Variants in ADAMTSL3 observed in about 807,000 individuals in gnomAD.
ADAMTSL3 encodes the protein ADAMTS-like protein 3.
ADAMTSL3 carries 128 observed loss-of-function variants against 201.7 expected under a neutral mutation model. The observed-to-expected ratio is 0.63, with a 90% confidence interval of 0.55 to 0.73. The LOEUF (loss-of-function observed/expected upper bound fraction) is 0.73, where lower values mean the gene tolerates loss of function less well. ADAMTSL3 is among the 30% of genes least tolerant of loss of function. ADAMTSL3 has a pLI of 0.00. For missense variants in ADAMTSL3, 1,990 were observed against 2,119.6 expected, an observed-to-expected ratio of 0.94 and a Z score of 1.20; for synonymous variants, 738 against 748.4, an observed-to-expected ratio of 0.99 and a Z score of 0.23.
rs188928627 is a variant in ADAMTSL3, at chr15:83,906,145, A to G, written c.1700+6414A>G. ...ATTATTTGAATTACTGTGTCTTTTA[A>G]ATACTTTTTTCTATTAAACTGTGCA... On this transcript the variant is annotated intron_variant, in intron 15 of 29. Transcript: ENST00000286744. Among the ~76,000 whole-genome samples the G allele has an allele frequency of 7.2e-5, 11 of 152,226 alleles. No homozygotes were observed. In the East Asian group the frequency reaches 2.1e-3, roughly 29 times the overall value.
chr15:83,704,357 C>T, intron 2 of ADAMTSL3, 32 bp from the exon 3 acceptor site: 2 of 1,614,024 alleles, frequency 1.2e-6, no homozygotes, highest in Non-Finnish European at 1.7e-6. Flanking sequence ...TTACTGGAGC[C>T]TTATTTGTGA....
chr15:83,991,350 G>A, intron 23 of ADAMTSL3, 136 bp downstream of exon 23: 2 of 1,303,754 alleles, frequency 1.5e-6, no homozygotes, highest in East Asian at 4.7e-5. Flanking sequence ...AGATTTTCCA[G>A]CACACTGACA....
At chr15:83,756,959 G>C (rs986794676) in intron 3 of ADAMTSL3, among the ~76,000 whole-genome samples, 3 of 152,226 alleles carry the variant, frequency 2.0e-5, no homozygotes, top group Non-Finnish European at 4.4e-5. Flanking sequence ...GCTGATGCAA[G>C]AGGTGGGCTC....
intron 11 of ADAMTSL3, 109 bp downstream of exon 11, chr15:83,890,356 T>A: frequency 7.0e-7 from 1 of 1,418,464 alleles, no homozygotes; most frequent in Non-Finnish European, 9.5e-7. Flanking sequence ...TGGCTTTGTC[T>A]ACTGGCGGCA....
chr15:83,681,013 A>G (rs1274425436), intron 2 of ADAMTSL3, among the ~76,000 whole-genome samples: 1 of 152,190 alleles, frequency 6.6e-6, no homozygotes, highest in Non-Finnish European at 1.5e-5. Context: ...GTAGTTTTCA[A>G]GTTGGTTTTA....
At chr15:83,986,330 A>G (rs1411322704) in intron 21 of ADAMTSL3, among the ~76,000 whole-genome samples, 1 of 152,142 alleles carries the variant, frequency 6.6e-6, no homozygotes, top group Non-Finnish European at 1.5e-5. Context: ...TTAAATAAAT[A>G]TTTATTTGAG....
chr15:83,692,798 A>G (rs1221955720), intron 2 of ADAMTSL3, among the ~76,000 whole-genome samples: 5 of 152,140 alleles, frequency 3.3e-5, no homozygotes, highest in Admixed American at 1.3e-4. Flanking sequence ...AAAAGCTTAG[A>G]AAAACAAACC....
chr15:83,751,140 C>A (rs919914235), intron 3 of ADAMTSL3, among the ~76,000 whole-genome samples: 1 of 152,090 alleles, frequency 6.6e-6, no homozygotes, highest in African/African-American at 2.4e-5. Flanking sequence ...TAATTACAGA[C>A]TGAAGTCAGG....
chr15:83,855,294 A>G (rs1157593291), intron 7 of ADAMTSL3, among the ~76,000 whole-genome samples: 1 of 152,186 alleles, frequency 6.6e-6, no homozygotes, highest in Non-Finnish European at 1.5e-5. Context: ...ACCTGTGGAC[A>G]TCTCATTCCC....
intron 25 of ADAMTSL3, among the ~76,000 whole-genome samples, chr15:84,017,074 A>G (rs773079367): frequency 6.6e-6 from 1 of 152,174 alleles, no homozygotes; most frequent in Non-Finnish European, 1.5e-5. Flanking sequence ...GCAGAAGGAC[A>G]CAAACTCTTT....
chr15:83,759,800 A>T (rs1022823091), intron 3 of ADAMTSL3, among the ~76,000 whole-genome samples: 5 of 152,152 alleles, frequency 3.3e-5, no homozygotes, highest in Non-Finnish European at 7.3e-5. Context: ...CCTACATCTA[A>T]ATTTTGAAAT....
intron 19 of ADAMTSL3, among the ~76,000 whole-genome samples, chr15:83,953,510 G>T (rs946691409): frequency 3.3e-5 from 5 of 151,982 alleles, no homozygotes; most frequent in Non-Finnish European, 2.9e-5. Context: ...GAAAGTTGTT[G>T]TATTTATTAT....
intron 17 of ADAMTSL3, among the ~76,000 whole-genome samples, chr15:83,931,148 G>T (rs769165195): frequency 6.6e-6 from 1 of 152,170 alleles, no homozygotes; most frequent in Non-Finnish European, 1.5e-5. Flanking sequence ...AAGCATGCTG[G>T]GTTACATAAT....
At chr15:83,829,378 T>G (rs1299798270) in intron 6 of ADAMTSL3, among the ~76,000 whole-genome samples, 7 of 152,166 alleles carry the variant, frequency 4.6e-5, no homozygotes, top group Admixed American at 4.6e-4. Context: ...TGATATCCCC[T>G]TTATCATTTT....
intron 2 of ADAMTSL3, among the ~76,000 whole-genome samples, chr15:83,656,751 G>T (rs758276439): frequency 1.3e-5 from 2 of 152,116 alleles, no homozygotes; most frequent in Non-Finnish European, 2.9e-5. Context: ...TCAAATACAT[G>T]GCTTGGTGGC....
At chr15:83,695,724 A>T (rs1421088861) in intron 2 of ADAMTSL3, among the ~76,000 whole-genome samples, 1 of 152,198 alleles carries the variant, frequency 6.6e-6, no homozygotes, top group Non-Finnish European at 1.5e-5. Context: ...AAATGTGAAA[A>T]GTCCTTTTCT....
intron 4 of ADAMTSL3, among the ~76,000 whole-genome samples, chr15:83,786,727 C>G (rs547292253): frequency 2.6e-5 from 4 of 152,224 alleles, no homozygotes; most frequent in African/African-American, 7.2e-5. Context: ...TGATATCTGG[C>G]TAATTCTTAC....
chr15:83,775,191 A>AGC (rs773053504), intron 4 of ADAMTSL3, among the ~76,000 whole-genome samples: 24 of 152,182 alleles, frequency 1.6e-4, no homozygotes, highest in Non-Finnish European at 2.6e-4. Context: ...ACTGCTGGCC[A>AGC]GCCACATGGG....
chr15:83,904,603 G>C (rs1314298981), intron 15 of ADAMTSL3, among the ~76,000 whole-genome samples: 1 of 152,174 alleles, frequency 6.6e-6, no homozygotes, highest in Non-Finnish European at 1.5e-5. Context: ...AAAAATTATA[G>C]TGTATAAATC....
Sources: gnomAD v4.1 joint callset for allele counts (sites outside exome capture counted in the v4.1 genomes callset) on GRCh38, gnomAD v4.1.1 for gene constraint, MANE v1.5 for transcripts, NCBI Gene and HGNC (gene_info 2026-07-23, HGNC 2026-07-21) for gene names.